H1-4: variants seen among roughly 807,000 people sequenced by gnomAD.
H1-4 encodes the protein histone H1.4.
Under a neutral mutation model 7.2 loss-of-function variants are expected in H1-4, and 9 were observed. The observed-to-expected ratio is 1.25, with a 90% CI of 0.75 to 2.18. The LOEUF (loss-of-function observed/expected upper bound fraction) is 2.18. Among genes scored for constraint, H1-4 ranks in the 30% most tolerant of loss-of-function variants. H1-4 has a pLI of 0.00. For missense variants in H1-4, 646 were observed against 287.9 expected (o/e 2.24, Z -9.00); for synonymous variants, 318 against 126.6 (o/e 2.51, Z -10.15).
In H1-4 at chr6:26,156,462, C is replaced by T. The variant is rs773954612; in HGVS notation, c.72C>T (p.Ala24=). The T allele has an allele frequency of 1.4e-5, 22 of 1,612,744 alleles. No homozygotes were observed. Among genetic ancestry groups the T allele is most frequent in the Non-Finnish European group, 1.8e-5 (21 of 1,179,594 alleles). ...AGAAGACTCCCGTGAAGAAGAAGGC[C>T]CGCAAGTCTGCAGGTGCGGCCAAGC... The part of the protein sequence containing the change: ...PAEKTPVKKK[A]RKSAGAAKRK... The change falls in exon 1 of 1, where the codon GCC becomes GCT. Residue 24 remains alanine, a synonymous_variant. Coordinates refer to ENST00000304218, the MANE Select transcript of H1-4 (RefSeq NM_005321.3).
rs146982083 is a variant in H1-4, at chr6:26,156,495, G to C, written c.105G>C (p.Ala35=). 5.9e-5 allele frequency: 95 copies of C among 1,613,620 alleles called. No homozygotes were observed. Among genetic ancestry groups the C allele is most frequent in the Non-Finnish European group, 7.9e-5 (93 of 1,179,990 alleles). The part of the protein sequence containing the change: ...RKSAGAAKRK[A]SGPPVSELIT... ...CTGCAGGTGCGGCCAAGCGCAAAGCGTCTGGGCCCCCGGTGTCCGAGCTCA... is the reference window on the plus strand; with the variant it reads ...CTGCAGGTGCGGCCAAGCGCAAAGCCTCTGGGCCCCCGGTGTCCGAGCTCA... Residue 35 remains alanine (A), a synonymous_variant, in exon 1 of 1, where the codon GCG becomes GCC. Coordinates refer to ENST00000304218, the MANE Select transcript of H1-4 (RefSeq NM_005321.3).
chr6:26,157,033 G>A lies in H1-4; in HGVS notation c.643G>A (p.Ala215Thr), dbSNP rs1443547361. 4.4e-6 allele frequency: 7 copies of A among 1,581,746 alleles called. No homozygotes were observed. In the East Asian group the frequency reaches 1.1e-4, roughly 25 times the overall value. The change falls in exon 1 of 1, where the codon GCA becomes ACA. Residue 215 changes from alanine to threonine, a missense_variant. Coordinates refer to ENST00000304218, the MANE Select transcript of H1-4 (RefSeq NM_005321.3). ...KPKAAKPKKA[A>T]AKKK The stretch of plus-strand genomic sequence containing the variant: ...CAAGGCAGCCAAGCCAAAGAAGGCG[G>A]CAGCCAAGAAAAAGTAGAAAGTTCC...
rs372974806 is a variant in H1-4, at chr6:26,156,746, A to C, written c.356A>C (p.Lys119Thr). ...KKAASGEAKP[K>T]AKKAGAAKAK... ...GCGGCCTCTGGGGAAGCCAAGCCTAAGGCTAAAAAGGCAGGCGCGGCCAAG... is the reference window on the plus strand; with the variant it reads ...GCGGCCTCTGGGGAAGCCAAGCCTACGGCTAAAAAGGCAGGCGCGGCCAAG... Residue 119 changes from lysine to threonine, a missense_variant, in exon 1 of 1, where the codon AAG becomes ACG. Lys to Thr is a moderately conservative substitution (Grantham distance 78). Coordinates refer to ENST00000304218, the MANE Select transcript of H1-4 (RefSeq NM_005321.3). 26 of 1,613,858 alleles carry C rather than the reference A, an allele frequency of 1.6e-5. No homozygotes were observed. The highest frequency in any genetic ancestry group is 1.9e-5 in the Non-Finnish European group (23 of 1,179,956).
rs777887295 is a variant in H1-4 at position 26,156,400 on chromosome 6, A to T, written c.10A>T (p.Thr4Ser). 1.3e-6 allele frequency: 2 copies of T among 1,583,676 alleles called. No individual in the cohort carries two copies. Among genetic ancestry groups the T allele is most frequent in the East Asian group, 2.2e-5 (1 of 44,480 alleles). ...CACGCTTGCCTTCAACATGTCCGAG[A>T]CTGCGCCTGCCGCGCCCGCTGCTCC... MSE[T>S]APAAPAAPAP... The change falls in exon 1 of 1, where the codon ACT becomes TCT. Residue 4 changes from threonine to serine, a missense_variant. Coordinates refer to ENST00000304218, the MANE Select transcript of H1-4 (RefSeq NM_005321.3).
rs755997782 is a variant in H1-4, at chr6:26,156,815, C to T, written c.425C>T (p.Thr142Met). 7.0e-5 allele frequency: 112 copies of T among 1,607,242 alleles called. 1 individual carries two copies. The highest frequency in any genetic ancestry group is 2.2e-4 in the South Asian group (20 of 90,600). ...GCGGCGAAGAAGCCCAAGAAGGCGA[C>T]GGGGGCGGCCACCCCCAAGAAGAGC... Reference protein sequence around the residue: ...AGAAKKPKKATGAATPKKSAK... With the variant: ...AGAAKKPKKAMGAATPKKSAK... The change falls in exon 1 of 1, where the codon ACG becomes ATG. Residue 142 changes from threonine (T) to methionine (M), a missense_variant. Thr to Met is a moderately conservative substitution (Grantham distance 81). Coordinates refer to ENST00000304218, the MANE Select transcript of H1-4 (RefSeq NM_005321.3).
At position 26,156,550 on chromosome 6, in the gene H1-4, C is replaced by T. The variant is rs1047740849; in HGVS notation, c.160C>T (p.Arg54Cys). 6.8e-6 allele frequency: 11 copies of T among 1,614,014 alleles called. No homozygotes were observed. Among genetic ancestry groups the T allele is most frequent in the African/African-American group, 2.7e-5 (2 of 74,930 alleles). ...ITKAVAASKERSGVSLAALKK... is the reference protein window; with the variant it reads ...ITKAVAASKECSGVSLAALKK... Reference sequence around the variant, plus strand: ...TAAAGCTGTTGCCGCCTCCAAGGAGCGCAGCGGCGTATCTTTGGCCGCTCT... The same window carrying T: ...TAAAGCTGTTGCCGCCTCCAAGGAGTGCAGCGGCGTATCTTTGGCCGCTCT... Residue 54 changes from arginine to cysteine, a missense_variant, in exon 1 of 1, where the codon CGC (arginine) becomes TGC (cysteine). By Grantham distance (180) the Arg-to-Cys change is radical (BLOSUM62 -3). Coordinates refer to ENST00000304218, the MANE Select transcript of H1-4 (RefSeq NM_005321.3).
At position 26,156,869 on chromosome 6, in the gene H1-4, A is replaced by G; in HGVS notation, c.479A>G (p.Lys160Arg). 6.2e-7 allele frequency: 1 copy of G among 1,607,848 alleles called. No individual in the cohort carries two copies. The highest frequency in any genetic ancestry group is 8.5e-7 in the Non-Finnish European group (1 of 1,177,860). Residue 160 changes from lysine (K) to arginine (R), a missense_variant, in exon 1 of 1, where the codon AAG (lysine) becomes AGG (arginine). By Grantham distance (26) the Lys-to-Arg change is conservative. Transcript: ENST00000304218. ...AAGAAGACCCCAAAGAAGGCGAAGA[A>G]GCCGGCTGCAGCTGCTGGAGCCAAA... ...SAKKTPKKAK[K>R]PAAAAGAKKA... is the part of the protein sequence containing the mutation.
In H1-4 at chr6:26,156,642, CAA is replaced by C; in HGVS notation, c.253_254del (p.Lys85GlufsTer34). On this transcript the variant is annotated frameshift_variant, in exon 1 of 1. Transcript: ENST00000304218. LOFTEE classifies it high-confidence loss of function. Reference protein sequence around the residue: ...KNNSRIKLGLKSLVSKGTLVQ... With the variant: ...KNNSRIKLGLXSLVSKGTLVQ... The stretch of plus-strand genomic sequence containing the variant: ...ACAACAGCCGCATCAAGCTGGGTCT[CAA>C]GAGCCTGGTGAGCAAGGGCACCCTG... 1.9e-6 allele frequency: 3 copies of C among 1,614,270 alleles called. No homozygotes were observed. Among genetic ancestry groups the C allele is most frequent in the Non-Finnish European group, 1.7e-6 (2 of 1,180,052 alleles).
In H1-4 at chr6:26,156,529, GC is replaced by G; in HGVS notation, c.140del (p.Ala47ValfsTer42). ...CCCGGTGTCCGAGCTCATTACTAAAGCTGTTGCCGCCTCCAAGGAGCGCAGC... is the reference window on the plus strand; with the variant it reads ...CCCGGTGTCCGAGCTCATTACTAAAGTGTTGCCGCCTCCAAGGAGCGCAGC... Reference protein sequence around the residue: ...GPPVSELITKAVAASKERSGV... With the variant: ...GPPVSELITKXVAASKERSGV... On this transcript the variant is annotated frameshift_variant, in exon 1 of 1. Coordinates refer to ENST00000304218, the MANE Select transcript of H1-4 (RefSeq NM_005321.3). LOFTEE classifies it high-confidence loss of function. 1 of 1,614,050 alleles carries G rather than the reference GC, an allele frequency of 6.2e-7. No individual in the cohort carries two copies. Among genetic ancestry groups the G allele is most frequent in the Non-Finnish European group, 8.5e-7 (1 of 1,179,996 alleles).
Position 26,156,353 on chromosome 6 carries a change from T to A in H1-4, c.-38T>A. On this transcript the variant is annotated 5_prime_UTR_variant, in exon 1 of 1. Transcript: ENST00000304218. ...TCGAGTCCCGGCCAGTGCCTCTGCT[T>A]CCGGCTCGAATTGCTCTCGCTCACG... The A allele has an allele frequency of 6.6e-7, 1 of 1,514,318 alleles. No individual in the cohort carries two copies. Among genetic ancestry groups the A allele is most frequent in the Non-Finnish European group, 8.8e-7 (1 of 1,135,904 alleles). 93.8% of individuals were successfully genotyped at this position (1,514,318 alleles called of 1,614,324 possible).
In H1-4 at chr6:26,156,827, C is replaced by T. The variant is rs200744473; in HGVS notation, c.437C>T (p.Thr146Ile). ...KKPKKATGAA[T>I]PKKSAKKTPK... ...CCCAAGAAGGCGACGGGGGCGGCCACCCCCAAGAAGAGCGCCAAGAAGACC... is the reference window on the plus strand; with the variant it reads ...CCCAAGAAGGCGACGGGGGCGGCCATCCCCAAGAAGAGCGCCAAGAAGACC... Residue 146 changes from threonine to isoleucine, a missense_variant, in exon 1 of 1, where the codon ACC becomes ATC. Transcript: ENST00000304218. 99 of 1,606,826 alleles carry T rather than the reference C, an allele frequency of 6.2e-5. 3 individuals carry two copies. The East Asian group carries it at 1.3e-3, about 21-fold the overall frequency.
In H1-4 at chr6:26,156,803, C is replaced by T. The variant is rs779020259; in HGVS notation, c.413C>T (p.Pro138Leu). 4 of 1,610,086 alleles carry T rather than the reference C, an allele frequency of 2.5e-6. No individual in the cohort carries two copies. The highest frequency in any genetic ancestry group is 1.7e-5 in the Admixed American group (1 of 59,128). Residue 138 changes from proline (P) to leucine (L), a missense_variant, in exon 1 of 1, where the codon CCC becomes CTC. Pro to Leu is a moderately conservative substitution (Grantham distance 98). Transcript: ENST00000304218. ...AKKPAGAAKK[P>L]KKATGAATPK... ...AAGCCAGCAGGAGCGGCGAAGAAGC[C>T]CAAGAAGGCGACGGGGGCGGCCACC...
rs547695315 is a variant in H1-4, at chr6:26,156,529, G to A, written c.139G>A (p.Ala47Thr). Reference sequence around the variant, plus strand: ...CCCGGTGTCCGAGCTCATTACTAAAGCTGTTGCCGCCTCCAAGGAGCGCAG... The same window carrying A: ...CCCGGTGTCCGAGCTCATTACTAAAACTGTTGCCGCCTCCAAGGAGCGCAG... ...GPPVSELITK[A>T]VAASKERSGV... The change falls in exon 1 of 1, where the codon GCT (alanine) becomes ACT (threonine). Residue 47 changes from alanine to threonine, a missense_variant. Physicochemically the swap from Ala to Thr is moderately conservative, Grantham distance 58. Coordinates refer to ENST00000304218, the MANE Select transcript of H1-4 (RefSeq NM_005321.3). The A allele has an allele frequency of 2.0e-5, 33 of 1,614,050 alleles. No homozygotes were observed. In the Admixed American group the frequency reaches 3.8e-4, roughly 19 times the overall value.
At position 26,156,672 on chromosome 6, in the gene H1-4, G is replaced by A. The variant is rs549787183; in HGVS notation, c.282G>A (p.Val94=). 39 of 1,614,222 alleles carry A rather than the reference G, an allele frequency of 2.4e-5. No individual in the cohort carries two copies. Among genetic ancestry groups the A allele is most frequent in the Admixed American group, 6.7e-5 (4 of 60,034 alleles). Residue 94 remains valine, a synonymous_variant, in exon 1 of 1, where the codon GTG becomes GTA. Transcript: ENST00000304218. ...GCCTGGTGAGCAAGGGCACCCTGGT[G>A]CAGACCAAGGGCACCGGCGCGTCGG... is the stretch of plus-strand genomic sequence containing the variant. The part of the protein sequence containing the change: ...LKSLVSKGTL[V]QTKGTGASGS...
In H1-4 at chr6:26,156,557, G is replaced by C; in HGVS notation, c.167G>C (p.Gly56Ala). The C allele has an allele frequency of 6.2e-6, 10 of 1,614,188 alleles. No homozygotes were observed. The highest frequency in any genetic ancestry group is 8.5e-6 in the Non-Finnish European group (10 of 1,180,032). The change falls in exon 1 of 1, where the codon GGC becomes GCC. Residue 56 changes from glycine (G) to alanine (A), a missense_variant. Transcript: ENST00000304218. Reference sequence around the variant, plus strand: ...GTTGCCGCCTCCAAGGAGCGCAGCGGCGTATCTTTGGCCGCTCTCAAGAAA... The same window carrying C: ...GTTGCCGCCTCCAAGGAGCGCAGCGCCGTATCTTTGGCCGCTCTCAAGAAA... ...KAVAASKERS[G>A]VSLAALKKAL...
chr6:26,157,023 A>C lies in H1-4; in HGVS notation c.633A>C (p.Pro211=), dbSNP rs1561966317. The C allele has an allele frequency of 3.2e-6, 5 of 1,584,584 alleles. No individual in the cohort carries two copies. The East Asian group carries it at 8.9e-5, about 28-fold the overall frequency. The stretch of plus-strand genomic sequence containing the variant: ...CCGCCAAGCCCAAGGCAGCCAAGCC[A>C]AAGAAGGCGGCAGCCAAGAAAAAGT... ...PKTAKPKAAK[P]KKAAAKKK The change falls in exon 1 of 1, where the codon CCA becomes CCC. Residue 211 remains proline (P), a synonymous_variant. Coordinates refer to ENST00000304218, the MANE Select transcript of H1-4 (RefSeq NM_005321.3).
chr6:26,156,437 A>G lies in H1-4; in HGVS notation c.47A>G (p.Glu16Gly). ...GCGCCCGCTGCTCCGGCCCCTGCCG[A>G]GAAGACTCCCGTGAAGAAGAAGGCC... ...PAAPAAPAPA[E>G]KTPVKKKARK... The change falls in exon 1 of 1, where the codon GAG becomes GGG. Residue 16 changes from glutamate (E) to glycine (G), a missense_variant. Physicochemically the swap from Glu to Gly is moderately conservative, Grantham distance 98. Coordinates refer to ENST00000304218, the MANE Select transcript of H1-4 (RefSeq NM_005321.3). 6.2e-7 allele frequency: 1 copy of G among 1,608,056 alleles called. No homozygotes were observed. The highest frequency in any genetic ancestry group is 8.5e-7 in the Non-Finnish European group (1 of 1,177,210).
chr6:26,156,584 C>T lies in H1-4; in HGVS notation c.194C>T (p.Ala65Val), dbSNP rs762547996. 18 of 1,614,186 alleles carry T rather than the reference C, an allele frequency of 1.1e-5. No individual in the cohort carries two copies. Among genetic ancestry groups the T allele is most frequent in the Middle Eastern group, 3.3e-4 (2 of 6,060 alleles). ...GTATCTTTGGCCGCTCTCAAGAAAG[C>T]GCTGGCAGCCGCTGGCTATGACGTG... Reference protein sequence around the residue: ...SGVSLAALKKALAAAGYDVEK... With the variant: ...SGVSLAALKKVLAAAGYDVEK... The change falls in exon 1 of 1, where the codon GCG becomes GTG. Residue 65 changes from alanine (A) to valine (V), a missense_variant. Coordinates refer to ENST00000304218, the MANE Select transcript of H1-4 (RefSeq NM_005321.3).
At position 26,156,733 on chromosome 6, in the gene H1-4, G is replaced by GT; in HGVS notation, c.343_344insT (p.Glu115ValfsTer5). Reference sequence around the variant, plus strand: ...ACTCAACAAGAAGGCGGCCTCTGGGGAAGCCAAGCCTAAGGCTAAAAAGGC... The same window carrying GT: ...ACTCAACAAGAAGGCGGCCTCTGGGGTAAGCCAAGCCTAAGGCTAAAAAGGC... On this transcript the variant is annotated frameshift_variant, in exon 1 of 1. Transcript: ENST00000304218. LOFTEE classifies it high-confidence loss of function. 1 of 1,614,172 alleles carries GT rather than the reference G, an allele frequency of 6.2e-7. No homozygotes were observed. Among genetic ancestry groups the GT allele is most frequent in the Non-Finnish European group, 8.5e-7 (1 of 1,180,038 alleles).
Sources: gnomAD v4.1 joint callset for allele counts on GRCh38, gnomAD v4.1.1 for gene constraint, MANE v1.5 for transcripts, NCBI Gene and HGNC (gene_info 2026-07-23, HGNC 2026-07-21) for gene names.